The following ZFHX3 variants were observed in gnomAD, a reference collection of about 807,000 sequenced individuals.
The protein encoded by ZFHX3 is zinc finger homeobox protein 3.
Under a neutral mutation model 279.1 loss-of-function variants are expected in ZFHX3, and 42 were observed. The ratio of observed to expected loss-of-function variants is 0.15; its 90% CI spans 0.12 to 0.19. The LOEUF is 0.19. ZFHX3 is among the 10% of genes least tolerant of loss of function. The pLI is 1.00. For synonymous variants in ZFHX3, 2,293 were observed against 1,957.8 expected, an observed-to-expected ratio of 1.17 and a Z score of -4.52; for missense variants, 4,981 against 4,754.0, an observed-to-expected ratio of 1.05 and a Z score of -1.40.
At chr16:73,141,871 T>C (rs1966848552) in intron 6 of ZFHX3, among the ~76,000 whole-genome samples, 2 of 152,218 alleles carry the variant, frequency 1.3e-5, no homozygotes, top group Admixed American at 1.3e-4. Flanking sequence ...CTTTCCTGAC[T>C]GTGTGTCTGG....
intron 3 of ZFHX3, among the ~76,000 whole-genome samples, chr16:72,900,287 C>T (rs960851484): frequency 6.6e-6 from 1 of 152,162 alleles, no homozygotes; most frequent in Non-Finnish European, 1.5e-5. Flanking sequence ...GGCTGAAATG[C>T]CTGGAAGACA....
rs564677164 is a variant in ZFHX3, at chr16:72,930,229, T to TAAATA, written c.3216+20235_3216+20239dup. Among the ~76,000 whole-genome samples, 227 of 150,748 alleles carry TAAATA rather than the reference T, an allele frequency of 1.5e-3. 1 individual carries two copies. Among genetic ancestry groups the TAAATA allele is most frequent in the African/African-American group, 4.8e-3 (195 of 40,510 alleles). ...GTGAAACTCAGTCTCAATAGATAAA[T>TAAATA]AAATAAAATAAAATAAAATAATATA... On this transcript the variant is annotated intron_variant, in intron 3 of 9. Coordinates refer to ENST00000268489, the MANE Select transcript of ZFHX3 (RefSeq NM_006885.4).
chr16:73,322,338 G>T (rs4888572), intron 3 of ZFHX3, among the ~76,000 whole-genome samples: 3 of 151,552 alleles, frequency 2.0e-5, no homozygotes, highest in African/African-American at 7.3e-5. Context: ...AGGCAGCTAG[G>T]TTTAAAGAAA....
chr16:73,629,650 AAAAG>A (rs1333800387), intron 2 of ZFHX3, among the ~76,000 whole-genome samples: 9 of 152,262 alleles, frequency 5.9e-5, no homozygotes, highest in Admixed American at 6.5e-5. Flanking sequence ...AAGTTAAAAA[AAAAG>A]AAAGAAAGAA....
At chr16:73,522,761 G>C (rs2019628376) in intron 2 of ZFHX3, among the ~76,000 whole-genome samples, 1 of 152,130 alleles carries the variant, frequency 6.6e-6, no homozygotes, top group Non-Finnish European at 1.5e-5. Context: ...TCCAAGACTG[G>C]GTAATTTATA....
intron 2 of ZFHX3, among the ~76,000 whole-genome samples, chr16:72,951,401 C>A (rs1345728699): frequency 1.3e-5 from 2 of 152,076 alleles, no homozygotes; most frequent in Non-Finnish European, 2.9e-5. Flanking sequence ...GCTGGGATTA[C>A]AGGCACCCAC....
At chr16:73,729,144 G>A (rs765220237) in intron 1 of ZFHX3, among the ~76,000 whole-genome samples, 1 of 152,162 alleles carries the variant, frequency 6.6e-6, no homozygotes, top group South Asian at 2.1e-4. Context: ...GGGTCCCCAA[G>A]AGGAAGGAAT....
At chr16:73,277,858 G>C (rs1161471168) in intron 4 of ZFHX3, among the ~76,000 whole-genome samples, 1 of 152,188 alleles carries the variant, frequency 6.6e-6, no homozygotes, top group African/African-American at 2.4e-5. Context: ...AATCATGGTG[G>C]AAGGCAAAGT....
chr16:73,705,832 A>G (rs936644206), intron 1 of ZFHX3, among the ~76,000 whole-genome samples: 2 of 152,130 alleles, frequency 1.3e-5, no homozygotes, highest in East Asian at 3.9e-4. Flanking sequence ...TCATGGACCC[A>G]TATCCAATTT....
chr16:73,404,849 T>C (rs994243907), intron 3 of ZFHX3, among the ~76,000 whole-genome samples: 1 of 152,174 alleles, frequency 6.6e-6, no homozygotes, highest in Non-Finnish European at 1.5e-5. Flanking sequence ...GGAAGGCCCA[T>C]TCGAAGCACT....
At chr16:73,304,187 G>A (rs538446711) in intron 4 of ZFHX3, among the ~76,000 whole-genome samples, 1 of 152,104 alleles carries the variant, frequency 6.6e-6, no homozygotes, top group East Asian at 1.9e-4. Context: ...GGTGTGAGTC[G>A]GAATTTGTGC....
At chr16:72,792,391 C>T (rs2035739577) in intron 9 of ZFHX3, among the ~76,000 whole-genome samples, 1 of 152,182 alleles carries the variant, frequency 6.6e-6, no homozygotes, top group Admixed American at 6.5e-5. Context: ...TAAAAACAGC[C>T]ACTATTGTTC....
At chr16:73,272,881 G>T (rs79113849) in intron 4 of ZFHX3, among the ~76,000 whole-genome samples, 29 of 152,096 alleles carry the variant, frequency 1.9e-4, no homozygotes, top group Non-Finnish European at 4.3e-4. Context: ...TACATAGCTG[G>T]GACTACAGGC....
At position 73,657,412 on chromosome 16, in the gene ZFHX3, C is replaced by T. The variant is rs996978680; in HGVS notation, c.-1547+22768G>A. Among the ~76,000 whole-genome samples, 5 of 152,286 alleles carry T rather than the reference C, an allele frequency of 3.3e-5. 1 individual carries two copies. The highest frequency in any genetic ancestry group is 1.3e-4 in the Admixed American group (2 of 15,294). On this transcript the variant is annotated intron_variant, in intron 2 of 17. Coordinates refer to the ZFHX3 transcript ENST00000641206. ...GGCAGAGGTTGCAGCGAGCCAAGAT[C>T]GCGCCATTGCACTCCAGCCTGGGTG...
At chr16:72,922,221 T>C (rs1360791871) in intron 3 of ZFHX3, among the ~76,000 whole-genome samples, 1 of 152,136 alleles carries the variant, frequency 6.6e-6, no homozygotes, top group Non-Finnish European at 1.5e-5. Flanking sequence ...TCTTTACTCC[T>C]CTCTTTGCAC....
chr16:73,093,638 C>T (rs1966119593), intron 7 of ZFHX3: 1 of 485,536 alleles, frequency 2.1e-6, no homozygotes, highest in African/African-American at 1.9e-5. Flanking sequence ...GTGAACTCGG[C>T]CTCTCCCCAC....
chr16:72,877,847 C>A (rs2038356848), intron 4 of ZFHX3, among the ~76,000 whole-genome samples: 1 of 152,280 alleles, frequency 6.6e-6, no homozygotes, highest in South Asian at 2.1e-4. Flanking sequence ...ATTTCCTGCC[C>A]AAAGAAGCCC....
intron 3 of ZFHX3, among the ~76,000 whole-genome samples, chr16:73,331,543 A>T (rs1350206195): frequency 1.3e-5 from 2 of 152,234 alleles, no homozygotes; most frequent in Non-Finnish European, 2.9e-5. Context: ...GTCTGTGCAG[A>T]GAGTACATCC....
chr16:72,913,108 G>A (rs1053157770), intron 3 of ZFHX3, among the ~76,000 whole-genome samples: 1 of 152,192 alleles, frequency 6.6e-6, no homozygotes, highest in Admixed American at 6.5e-5. Context: ...ATTTATAGAA[G>A]AGTTGTAAAG....
Sources: gnomAD v4.1 joint callset for allele counts (sites outside exome capture counted in the v4.1 genomes callset) on GRCh38, gnomAD v4.1.1 for gene constraint, MANE v1.5 for transcripts, NCBI Gene and HGNC (gene_info 2026-07-23, HGNC 2026-07-21) for gene names.